The following KIF17 variants were observed in gnomAD, a reference collection of about 807,000 sequenced individuals.
KIF17 encodes kinesin-like protein KIF17.
In KIF17, 80 loss-of-function variants were observed where a neutral mutation model predicts 96.8. That is an observed-to-expected ratio of 0.83 (90% confidence interval 0.69 to 1.00). KIF17 has a LOEUF of 1.00. KIF17 is among the 50% of genes least tolerant of loss of function. KIF17 has a pLI of 0.00. For missense variants in KIF17, 1,280 were observed against 1,372.9 expected (o/e 0.93, Z 1.07); for synonymous variants, 567 against 587.5 (o/e 0.97, Z 0.51).
rs915955030 is a variant in KIF17, at chr1:20,664,479, C to T, written c.*105G>A. On this transcript the variant is annotated 3_prime_UTR_variant, in exon 15 of 15. Coordinates refer to ENST00000400463, the MANE Select transcript of KIF17 (RefSeq NM_001122819.3). ...CCAGGGCTGAGGGAGCCCTCAGGCC[C>T]CGGAGCGCTGTGTGGCAGGTGGGAG... The T allele has an allele frequency of 1.9e-6, 3 of 1,604,156 alleles. No individual in the cohort carries two copies. In the African/African-American group the frequency reaches 4.0e-5, roughly 21 times the overall value.
chr1:20,712,671 GATAATATTATCTATATATAATATAGATA>G (rs2054473473), intron 3 of KIF17, among the ~76,000 whole-genome samples: 1 of 67,568 alleles, frequency 1.5e-5, no homozygotes, highest in Non-Finnish European at 2.6e-5. Flanking sequence ...ATATAATATA[GATAATATTATCTATATATAATATAGATA>G]ATATTATCTA....
chr1:20,700,015 G>A lies in KIF17; in HGVS notation c.1124-1527C>T, dbSNP rs573199031. Among the ~76,000 whole-genome samples the A allele has an allele frequency of 9.8e-5, 15 of 152,300 alleles. No homozygotes were observed. The highest frequency in any genetic ancestry group is 2.6e-4 in the African/African-American group (11 of 41,564). On this transcript the variant is annotated intron_variant, in intron 5 of 14. Coordinates refer to ENST00000400463, the MANE Select transcript of KIF17 (RefSeq NM_001122819.3). The surrounding 1 kb of genome is among the most constrained non-coding windows in gnomAD (Gnocchi z 4.6). ...GCACGAGGAGACCCGTTGCGGGGGC[G>A]TGCAGAAACTCAGTCTGGAGGGCAG...
chr1:20,712,283 C>T (rs1308606600), intron 3 of KIF17, among the ~76,000 whole-genome samples: 2 of 151,904 alleles, frequency 1.3e-5, no homozygotes, highest in African/African-American at 2.4e-5. Context: ...GGGAGCAACA[C>T]CCTCTGTTGC....
At chr1:20,708,806 G>A (rs2054387309) in intron 4 of KIF17, among the ~76,000 whole-genome samples, 1 of 152,304 alleles carries the variant, frequency 6.6e-6, no homozygotes, top group African/African-American at 2.4e-5. Flanking sequence ...GATGGCCAAT[G>A]GGGCCCCCAA....
At chr1:20,713,335 C>A (rs954481681) in intron 3 of KIF17, 119 bp downstream of exon 3, 2 of 691,792 alleles carry the variant, frequency 2.9e-6, no homozygotes, top group Non-Finnish European at 4.8e-6. Context: ...AAAAAAGTCC[C>A]GACTCTAGCC....
chr1:20,671,555 G>A (rs188502752), intron 12 of KIF17, among the ~76,000 whole-genome samples: 67 of 151,706 alleles, frequency 4.4e-4, no homozygotes, highest in African/African-American at 1.3e-3. Flanking sequence ...GGCTGGTCTC[G>A]AACTCCTGGA....
At chr1:20,703,151 AGAAG>A (rs200284898) in intron 5 of KIF17, among the ~76,000 whole-genome samples, 2,087 of 146,232 alleles carry the variant, frequency 0.014, 16 homozygotes, top group Middle Eastern at 0.042. Context: ...GTGGGTAGAT[AGAAG>A]GAAGGATGGA....
Position 20,687,470 on chromosome 1 carries a change from A to G in KIF17, c.1856T>C (p.Val619Ala). 1 of 1,613,756 alleles carries G rather than the reference A, an allele frequency of 6.2e-7. No individual in the cohort carries two copies. The highest frequency in any genetic ancestry group is 8.5e-7 in the Non-Finnish European group (1 of 1,179,950). ...LLGLQDPFAE[V>A]EAKLARLSST... is the part of the protein sequence containing the mutation. ...GGAGAGTCTGGCCAGCTTGGCTTCCACCTCGGCAAACGGGTCCTGCAGGCC... is the reference window on the plus strand; with the variant it reads ...GGAGAGTCTGGCCAGCTTGGCTTCCGCCTCGGCAAACGGGTCCTGCAGGCC... Residue 619 changes from valine to alanine, a missense_variant, in exon 8 of 15, where the codon GTG (valine) becomes GCG (alanine). By Grantham distance (64) the Val-to-Ala change is moderately conservative. Transcript: ENST00000400463. The surrounding 1 kb of genome is among the most constrained non-coding windows in gnomAD (Gnocchi z 4.4).
chr1:20,675,552 C>T (rs1027969879), intron 11 of KIF17, among the ~76,000 whole-genome samples: 2 of 152,168 alleles, frequency 1.3e-5, no homozygotes, highest in African/African-American at 4.8e-5. Context: ...GCCAGTACCA[C>T]ACAGTCTTGA....
intron 11 of KIF17, among the ~76,000 whole-genome samples, chr1:20,676,867 C>A (rs549516765): frequency 1.6e-4 from 24 of 152,044 alleles, no homozygotes; most frequent in East Asian, 3.9e-4. Flanking sequence ...ACAACAACAA[C>A]AAAAAACTAC....
chr1:20,678,727 A>C (rs1379496022), intron 11 of KIF17, among the ~76,000 whole-genome samples: 2 of 152,176 alleles, frequency 1.3e-5, no homozygotes, highest in African/African-American at 2.4e-5. Context: ...GGCAGGGTGC[A>C]GTCCCTCCAC....
At chr1:20,698,134 C>T (rs1360947916) in intron 6 of KIF17, among the ~76,000 whole-genome samples, 1 of 152,216 alleles carries the variant, frequency 6.6e-6, no homozygotes, top group South Asian at 2.1e-4. Context: ...GTTCTCACCA[C>T]GCAGGCCCTA....
intron 4 of KIF17, among the ~76,000 whole-genome samples, chr1:20,706,181 C>T (rs966080625): frequency 4.0e-5 from 6 of 150,436 alleles, no homozygotes; most frequent in Admixed American, 2.0e-4. Flanking sequence ...GCTGGGATTA[C>T]AGGCATGAGC....
intron 3 of KIF17, among the ~76,000 whole-genome samples, chr1:20,713,232 G>A (rs1293122279): frequency 1.3e-5 from 2 of 150,698 alleles, no homozygotes; most frequent in Admixed American, 6.7e-5. Flanking sequence ...CTGACCTCAA[G>A]TGATCTGCCC....
chr1:20,712,542 T>TTATA (rs1553152887), intron 3 of KIF17, among the ~76,000 whole-genome samples: 1 of 117,260 alleles, frequency 8.5e-6, no homozygotes, highest in African/African-American at 3.2e-5. Context: ...TATATCTATA[T>TTATA]TATAGATATT....
intron 12 of KIF17, 80 bp from the exon 13 acceptor site, chr1:20,670,568 A>T (rs1464552864): frequency 2.2e-6 from 3 of 1,374,488 alleles, no homozygotes; most frequent in Non-Finnish European, 3.1e-6. Context: ...GGTGGGGGTC[A>T]GGCCTGGCTC....
At chr1:20,716,265 A>G (rs573736531) in intron 1 of KIF17, among the ~76,000 whole-genome samples, 1 of 148,784 alleles carries the variant, frequency 6.7e-6, no homozygotes, top group Non-Finnish European at 1.5e-5. Context: ...AAAAAAATCA[A>G]TATCTTAAAG....
chr1:20,703,529 T>TGGATGGATGGAG, intron 5 of KIF17, among the ~76,000 whole-genome samples: 1 of 148,094 alleles, frequency 6.8e-6, no homozygotes, highest in Non-Finnish European at 1.5e-5. Context: ...GATGGATGGA[T>TGGATGGATGGAG]AGATGTATAG....
chr1:20,717,738 C>T lies in KIF17; in HGVS notation c.-32G>A, dbSNP rs1226292992. 3 of 1,525,206 alleles carry T rather than the reference C, an allele frequency of 2.0e-6. No homozygotes were observed. Among genetic ancestry groups the T allele is most frequent in the East Asian group, 2.6e-5 (1 of 38,924 alleles). 94.5% of individuals were successfully genotyped at this position (1,525,206 alleles called of 1,614,324 possible). A position where few individuals can be genotyped will look rare whatever the true frequency, so the allele number is the denominator to read the frequency against. On this transcript the variant is annotated 5_prime_UTR_variant, in exon 1 of 15. Coordinates refer to ENST00000400463, the MANE Select transcript of KIF17 (RefSeq NM_001122819.3). ...GCGCCCAGGACCAACGGGACCAGAG[C>T]TGACCCCCGCCCCGCCGGGGACTCC...
Sources: allele counts gnomAD v4.1 joint callset (sites outside exome capture counted in the v4.1 genomes callset), GRCh38; gene constraint gnomAD v4.1.1; non-coding constraint Gnocchi (gnomAD v3.1); transcripts MANE v1.5; gene names NCBI Gene and HGNC (gene_info 2026-07-23, HGNC 2026-07-21).